Variants in NRG3 observed in about 807,000 individuals in gnomAD.
NRG3 encodes neuregulin 3.
In NRG3, 31 loss-of-function variants were observed where a neutral mutation model predicts 66.9. That is an observed-to-expected ratio of 0.46 (90% confidence interval 0.35 to 0.63). NRG3 has a LOEUF of 0.63. Ranked by LOEUF, NRG3 falls within the 20% of genes least tolerant of loss-of-function variation. The pLI is 0.00. For synonymous variants in NRG3, 393 were observed against 359.4 expected, an observed-to-expected ratio of 1.09 and a Z score of -1.06; for missense variants, 910 against 878.9, an observed-to-expected ratio of 1.04 and a Z score of -0.45.
At position 82,985,465 on chromosome 10, in the gene NRG3, G is replaced by A. The variant is rs138878772; in HGVS notation, c.1951G>A (p.Glu651Lys). The A allele has an allele frequency of 3.8e-3, 6,137 of 1,614,016 alleles. 39 individuals carry two copies. The highest frequency in any genetic ancestry group is 0.011 in the South Asian group (1,046 of 91,074). The stretch of plus-strand genomic sequence containing the variant: ...TGATGCCAGACGGTCAGAAGACTAC[G>A]AACTGGCCAGCGTAGAAACCGAGGA... ...LTDARRSEDY[E>K]LASVETEDSA... Residue 651 changes from glutamate (E) to lysine (K), a missense_variant, in exon 9 of 9, where the codon GAA (glutamate) becomes AAA (lysine). Glu to Lys is a moderately conservative substitution (Grantham distance 56). Transcript: ENST00000372141.
intron 3 of NRG3, among the ~76,000 whole-genome samples, chr10:82,850,494 G>A (rs920717239): frequency 7.3e-6 from 1 of 136,406 alleles, no homozygotes; most frequent in African/African-American, 3.0e-5. Context: ...CCATCCATCT[G>A]TCAACCTGAA....
At chr10:82,768,909 T>C (rs2059614272) in intron 3 of NRG3, among the ~76,000 whole-genome samples, 1 of 152,068 alleles carries the variant, frequency 6.6e-6, no homozygotes, top group Non-Finnish European at 1.5e-5. Flanking sequence ...CTCAAGCAAT[T>C]TGATTTTTGA....
chr10:82,713,555 G>A (rs774041045), intron 2 of NRG3, among the ~76,000 whole-genome samples: 16 of 152,200 alleles, frequency 1.1e-4, no homozygotes, highest in Non-Finnish European at 1.8e-4. Flanking sequence ...TCCCTTAAAT[G>A]AGGACACTGC....
chr10:82,103,768 G>A (rs1355456879), intron 1 of NRG3, among the ~76,000 whole-genome samples: 1 of 152,026 alleles, frequency 6.6e-6, no homozygotes, highest in East Asian at 1.9e-4. Context: ...AGAGAGATGG[G>A]TTTTTTCCTT....
At chr10:82,380,284 C>T (rs184082025) in intron 2 of NRG3, among the ~76,000 whole-genome samples, 17 of 151,650 alleles carry the variant, frequency 1.1e-4, no homozygotes, top group African/African-American at 3.1e-4. Flanking sequence ...TTGCAATTAA[C>T]GCTGTAGTAA....
intron 2 of NRG3, among the ~76,000 whole-genome samples, chr10:82,391,505 T>G (rs977668831): frequency 2.6e-5 from 4 of 152,152 alleles, no homozygotes; most frequent in African/African-American, 7.2e-5. Context: ...GTGGCCAAAC[T>G]AGAGCCAACG....
At chr10:82,778,445 G>T (rs530879756) in intron 3 of NRG3, among the ~76,000 whole-genome samples, 1 of 152,286 alleles carries the variant, frequency 6.6e-6, no homozygotes, top group African/African-American at 2.4e-5. Context: ...CTTCTTCACA[G>T]GGTGGCAGGA....
chr10:82,229,589 A>G (rs1014488952), intron 1 of NRG3, among the ~76,000 whole-genome samples: 4 of 152,166 alleles, frequency 2.6e-5, no homozygotes, highest in Non-Finnish European at 5.9e-5. Flanking sequence ...GAAACTTACA[A>G]TCATGGCAGA....
chr10:82,002,105 G>A (rs183495157), intron 1 of NRG3, among the ~76,000 whole-genome samples: 1 of 152,074 alleles, frequency 6.6e-6, no homozygotes, highest in African/African-American at 2.4e-5. Context: ...ATCCTTAACA[G>A]GACCAAACAT....
intron 1 of NRG3, among the ~76,000 whole-genome samples, chr10:82,309,618 A>G (rs2080922872): frequency 6.6e-6 from 1 of 152,200 alleles, no homozygotes; most frequent in Non-Finnish European, 1.5e-5. Context: ...GAGGGTAGAC[A>G]GTAGCCTGAC....
intron 1 of NRG3, among the ~76,000 whole-genome samples, chr10:82,195,136 G>A (rs2074377634): frequency 6.6e-6 from 1 of 152,094 alleles, no homozygotes; most frequent in Admixed American, 6.6e-5. Flanking sequence ...TTATCCATCT[G>A]GTAGAACAAG....
chr10:82,122,978 T>C (rs2068192533), intron 1 of NRG3, among the ~76,000 whole-genome samples: 1 of 148,518 alleles, frequency 6.7e-6, no homozygotes, highest in African/African-American at 2.5e-5. Flanking sequence ...AGAGAATAGA[T>C]CCTAAGCCAA....
At chr10:82,781,204 C>T (rs1303762107) in intron 3 of NRG3, among the ~76,000 whole-genome samples, 2 of 152,110 alleles carry the variant, frequency 1.3e-5, no homozygotes, top group East Asian at 1.9e-4. Flanking sequence ...GTTGTGTTAT[C>T]TTTAAGGTTT....
intron 2 of NRG3, among the ~76,000 whole-genome samples, chr10:82,593,986 T>C (rs2047130102): frequency 6.6e-6 from 1 of 152,168 alleles, no homozygotes; most frequent in Admixed American, 6.5e-5. Flanking sequence ...TTTGACTAGA[T>C]GACTTTTATT....
intron 1 of NRG3, among the ~76,000 whole-genome samples, chr10:81,879,252 C>G (rs1471191701): frequency 2.0e-5 from 3 of 152,120 alleles, no homozygotes; most frequent in African/African-American, 2.4e-5. Flanking sequence ...ATTATTTCAC[C>G]AGAAACATCT....
intron 2 of NRG3, among the ~76,000 whole-genome samples, chr10:82,664,636 G>A (rs2052618847): frequency 6.6e-6 from 1 of 152,092 alleles, no homozygotes; most frequent in African/African-American, 2.4e-5. Flanking sequence ...GCTTATGGAT[G>A]GAGGGTCTTC....
chr10:82,619,320 G>T (rs950721013), intron 2 of NRG3, among the ~76,000 whole-genome samples: 2 of 152,178 alleles, frequency 1.3e-5, no homozygotes, highest in Non-Finnish European at 2.9e-5. Context: ...CTGGAGAGCA[G>T]GAGGGGTGAG....
chr10:82,783,686 C>G (rs1056837583), intron 3 of NRG3, among the ~76,000 whole-genome samples: 38 of 152,086 alleles, frequency 2.5e-4, no homozygotes, highest in African/African-American at 8.9e-4. Context: ...AACTACAAAC[C>G]ACTGCTCAAT....
rs1853461633 is a variant in NRG3 at position 82,986,766 on chromosome 10, T to G, written c.*1161T>G. 2 of 152,196 alleles carry G rather than the reference T, an allele frequency of 1.3e-5. No individual in the cohort carries two copies. The allele number at this position is 152,196 out of a possible 1,614,324, so 9.4% of individuals were successfully genotyped here. On this transcript the variant is annotated 3_prime_UTR_variant, in exon 9 of 9. Coordinates refer to ENST00000372141, the MANE Select transcript of NRG3 (RefSeq NM_001010848.4). ...TTATTTTGAATCATGCCTACTTAAATTATTAATACAAGACAATTAACAAAT... is the reference window on the plus strand; with the variant it reads ...TTATTTTGAATCATGCCTACTTAAAGTATTAATACAAGACAATTAACAAAT...
Sources: allele counts gnomAD v4.1 joint callset (sites outside exome capture counted in the v4.1 genomes callset), GRCh38; gene constraint gnomAD v4.1.1; transcripts MANE v1.5; gene names NCBI Gene and HGNC (gene_info 2026-07-23, HGNC 2026-07-21).